The following RIMS2 variants were observed in gnomAD, a reference collection of about 807,000 sequenced individuals.
RIMS2 encodes the protein regulating synaptic membrane exocytosis 2, also known as regulating synaptic membrane exocytosis protein 2.
A neutral mutation model predicts 174.4 loss-of-function variants in RIMS2; 59 were observed. The observed-to-expected ratio is 0.34, with a 90% CI of 0.27 to 0.42. RIMS2 has a LOEUF of 0.42. Among genes scored for constraint, RIMS2 ranks in the 10% least tolerant of loss-of-function variants. The probability of loss-of-function intolerance (pLI) is 1.00; values close to 1 mark genes in which losing one functional copy is unlikely to be tolerated. For missense variants in RIMS2, 1,620 were observed against 1,666.3 expected (o/e 0.97, Z 0.48); for synonymous variants, 606 against 572.5 (o/e 1.06, Z -0.84).
At chr8:103,570,902 C>T (rs2092758263) in intron 1 of RIMS2, among the ~76,000 whole-genome samples, 1 of 152,092 alleles carries the variant, frequency 6.6e-6, no homozygotes, top group Non-Finnish European at 1.5e-5. Context: ...TTTGCACCAA[C>T]CTAAGTATTT....
At chr8:103,869,574 C>T (rs1293359275) in intron 3 of RIMS2, among the ~76,000 whole-genome samples, 1 of 151,914 alleles carries the variant, frequency 6.6e-6, no homozygotes, top group Non-Finnish European at 1.5e-5. Context: ...CTGCCCGCCT[C>T]AGCCTCCCAA....
intron 19 of RIMS2, among the ~76,000 whole-genome samples, chr8:104,227,085 A>G (rs540822505): frequency 6.8e-4 from 103 of 152,308 alleles, no homozygotes; most frequent in African/African-American, 2.4e-3. Context: ...AAGCTAAACA[A>G]CTTGCCCCCA....
chr8:103,638,874 A>G (rs1430800668), intron 1 of RIMS2, among the ~76,000 whole-genome samples: 1 of 152,070 alleles, frequency 6.6e-6, no homozygotes, highest in Non-Finnish European at 1.5e-5. Flanking sequence ...GTAGACACAC[A>G]TATCTATATT....
chr8:103,732,725 G>A (rs957935526), intron 2 of RIMS2, among the ~76,000 whole-genome samples: 4 of 152,024 alleles, frequency 2.6e-5, no homozygotes, highest in African/African-American at 4.8e-5. Context: ...CACCACCACC[G>A]CGGACCTATG....
chr8:104,170,463 G>A (rs1214068084), intron 19 of RIMS2, among the ~76,000 whole-genome samples: 1 of 151,864 alleles, frequency 6.6e-6, no homozygotes, highest in Non-Finnish European at 1.5e-5. Flanking sequence ...TTTGTCTGAT[G>A]TAAGAATAGC....
chr8:103,601,775 G>T (rs2469970), intron 1 of RIMS2, among the ~76,000 whole-genome samples: 40,998 of 151,488 alleles, frequency 0.27, 6,343 homozygotes, highest in East Asian at 0.62. Context: ...CTGGTTTTAT[G>T]ATTTACTTTT....
At chr8:103,917,390 A>T (rs986852220) in intron 8 of RIMS2, among the ~76,000 whole-genome samples, 1 of 152,142 alleles carries the variant, frequency 6.6e-6, no homozygotes, top group Non-Finnish European at 1.5e-5. Context: ...TGTTCCTTTT[A>T]AAGTATTAAA....
At chr8:103,533,471 C>T (rs1838210850) in intron 1 of RIMS2, among the ~76,000 whole-genome samples, 1 of 151,876 alleles carries the variant, frequency 6.6e-6, no homozygotes, top group Admixed American at 6.6e-5. Context: ...GTGGCAAGAA[C>T]ATTTTCAAAT....
chr8:103,541,381 C>T (rs1489905534), intron 1 of RIMS2, among the ~76,000 whole-genome samples: 2 of 152,206 alleles, frequency 1.3e-5, no homozygotes, highest in African/African-American at 2.4e-5. Context: ...ACTTTACCCA[C>T]AAAGCTGTTC....
At chr8:103,931,879 G>A (rs980831728) in intron 12 of RIMS2, among the ~76,000 whole-genome samples, 6 of 151,558 alleles carry the variant, frequency 4.0e-5, no homozygotes, top group East Asian at 1.9e-4. Context: ...ACCTTATATC[G>A]TCAAGAAAAC....
intron 2 of RIMS2, among the ~76,000 whole-genome samples, chr8:103,723,661 C>T (rs901549086): frequency 2.6e-5 from 4 of 152,216 alleles, no homozygotes; most frequent in African/African-American, 4.8e-5. Flanking sequence ...TCCACAGGTG[C>T]TGGCCTGATG....
At chr8:103,504,917 T>A (rs997507233) in intron 1 of RIMS2, among the ~76,000 whole-genome samples, 44 of 140,724 alleles carry the variant, frequency 3.1e-4, no homozygotes, top group Non-Finnish European at 5.3e-4. Context: ...GATGGCGAAA[T>A]AACGGCTCAC....
At chr8:103,939,727 C>G (rs1326716541) in intron 13 of RIMS2, among the ~76,000 whole-genome samples, 3 of 152,186 alleles carry the variant, frequency 2.0e-5, no homozygotes, top group African/African-American at 7.2e-5. Context: ...ATGCCTTTAA[C>G]AGAACCCAAG....
intron 1 of RIMS2, among the ~76,000 whole-genome samples, chr8:103,531,079 T>C (rs1415695903): frequency 6.6e-6 from 1 of 151,312 alleles, no homozygotes; most frequent in East Asian, 1.9e-4. Context: ...ATCAAGCAGA[T>C]AAAAAATTAG....
At chr8:103,669,133 CA>C (rs1279267429) in intron 1 of RIMS2, among the ~76,000 whole-genome samples, 1 of 151,968 alleles carries the variant, frequency 6.6e-6, no homozygotes, top group Admixed American at 6.6e-5. Flanking sequence ...TGGTGGGAGG[CA>C]AAAGGCACAT....
intron 1 of RIMS2, among the ~76,000 whole-genome samples, chr8:103,539,309 C>T (rs1205965775): frequency 1.1e-4 from 17 of 152,100 alleles, no homozygotes; most frequent in Non-Finnish European, 5.9e-5. Flanking sequence ...CATTTAAAGG[C>T]CTCAAATACA....
At chr8:103,576,113 G>C (rs780018806) in intron 1 of RIMS2, among the ~76,000 whole-genome samples, 9 of 152,190 alleles carry the variant, frequency 5.9e-5, no homozygotes, top group Non-Finnish European at 8.8e-5. Flanking sequence ...GCTGTAGAAG[G>C]TTTGTTCCAC....
At chr8:103,978,514 G>T (rs2093637162) in intron 16 of RIMS2, among the ~76,000 whole-genome samples, 1 of 152,228 alleles carries the variant, frequency 6.6e-6, no homozygotes. Flanking sequence ...TGGACCAAGG[G>T]CCAAGAAAGG....
intron 10 of RIMS2, chr8:103,927,741 G>A: frequency 1.3e-6 from 1 of 742,312 alleles, no homozygotes; most frequent in South Asian, 1.6e-5. Flanking sequence ...GTATTTAAGG[G>A]ATAGTTGTAT....
Sources: gnomAD v4.1 joint callset for allele counts (sites outside exome capture counted in the v4.1 genomes callset) on GRCh38, gnomAD v4.1.1 for gene constraint, MANE v1.5 for transcripts, NCBI Gene and HGNC (gene_info 2026-07-23, HGNC 2026-07-21) for gene names.